Variants in RELCH observed in about 807,000 individuals in gnomAD.
RELCH encodes RAB11 binding and LisH domain, coiled-coil and HEAT repeat containing, also known as RAB11-binding protein RELCH.
In RELCH, 41 loss-of-function variants were observed where a neutral mutation model predicts 150.3. That is an observed-to-expected ratio of 0.27 (90% CI 0.21 to 0.35). The LOEUF (loss-of-function observed/expected upper bound fraction) is 0.35. RELCH is among the 10% of genes least tolerant of loss of function. RELCH has a pLI of 1.00. For missense variants in RELCH, 1,092 were observed against 1,467.8 expected, an observed-to-expected ratio of 0.74 and a Z score of 4.18; for synonymous variants, 478 against 531.8, an observed-to-expected ratio of 0.90 and a Z score of 1.39.
chr18:62,211,636 A>C (rs1471548354), intron 2 of RELCH, among the ~76,000 whole-genome samples: 1 of 152,062 alleles, frequency 6.6e-6, no homozygotes. Context: ...TTGGTTTTGA[A>C]CCAGGCATGG....
intron 5 of RELCH, among the ~76,000 whole-genome samples, chr18:62,224,906 A>C (rs9951508): frequency 0.012 from 1,773 of 152,174 alleles, 26 homozygotes; most frequent in East Asian, 0.051. Flanking sequence ...GAAACAGCCA[A>C]AACAACTTTA....
At position 62,275,063 on chromosome 18, in the gene RELCH, C is replaced by T. The variant is rs570271083; in HGVS notation, c.2868-311C>T. On this transcript the variant is annotated intron_variant, in intron 21 of 28. Coordinates refer to ENST00000644646, the MANE Select transcript of RELCH (RefSeq NM_001346231.2). Reference sequence around the variant, plus strand: ...TCCTGAGTAGCTGGGACTACAGGTGCGCATCACCATGCCCAGCTAATTTTT... The same window carrying T: ...TCCTGAGTAGCTGGGACTACAGGTGTGCATCACCATGCCCAGCTAATTTTT... Among the ~76,000 whole-genome samples, 11 of 152,226 alleles carry T rather than the reference C, an allele frequency of 7.2e-5. No individual in the cohort carries two copies. In the East Asian group the frequency reaches 1.7e-3, roughly 24 times the overall value.
intron 10 of RELCH, among the ~76,000 whole-genome samples, chr18:62,237,424 C>T (rs1022501306): frequency 6.6e-5 from 10 of 151,706 alleles, no homozygotes; most frequent in East Asian, 5.8e-4. Flanking sequence ...TATATTCCTT[C>T]GGAGATACTT....
At chr18:62,194,247 A>G (rs1360105908) in intron 1 of RELCH, among the ~76,000 whole-genome samples, 1 of 152,212 alleles carries the variant, frequency 6.6e-6, no homozygotes, top group Non-Finnish European at 1.5e-5. Context: ...CCTGTCTCAA[A>G]AAAAACCCCA....
rs1195412351 is a variant in RELCH at position 62,309,544 on chromosome 18, G to GT, written c.*4011dup. The stretch of plus-strand genomic sequence containing the variant: ...CTGTTAAGACCACACCAATCATAAA[G>GT]TACATAACAGTTAATATAAACTTAA... On this transcript the variant is annotated 3_prime_UTR_variant, in exon 29 of 29. Coordinates refer to ENST00000644646, the MANE Select transcript of RELCH (RefSeq NM_001346231.2). 1 of 152,058 alleles carries GT rather than the reference G, an allele frequency of 6.6e-6. No homozygotes were observed. The highest frequency in any genetic ancestry group is 2.4e-5 in the African/African-American group (1 of 41,412). The allele number at this position is 152,058 out of a possible 1,614,324, so 9.4% of individuals were successfully genotyped here.
intron 12 of RELCH, chr18:62,254,715 T>A (rs1238071409): frequency 6.6e-6 from 1 of 152,146 alleles, no homozygotes; most frequent in Non-Finnish European, 1.5e-5. Context: ...TAATGAATTA[T>A]GTCACCTTTT....
chr18:62,221,536 C>A, intron 5 of RELCH, 39 bp downstream of exon 5: 4 of 866,330 alleles, frequency 4.6e-6, no homozygotes, highest in South Asian at 1.7e-5. Context: ...TTTTTTTCTA[C>A]ACTTATAATT....
chr18:62,255,304 C>T, intron 12 of RELCH, 103 bp from the exon 13 acceptor site: 1 of 825,426 alleles, frequency 1.2e-6, no homozygotes, highest in Non-Finnish European at 2.0e-6. Flanking sequence ...AAGGAAGAAG[C>T]TTTATTGCAT....
At chr18:62,259,845 C>T (rs76137631) in intron 15 of RELCH, among the ~76,000 whole-genome samples, 4,126 of 151,882 alleles carry the variant, frequency 0.027, 187 homozygotes, top group African/African-American at 0.094. Context: ...TTACAGCCAG[C>T]TCATTTTTGA....
intron 26 of RELCH, among the ~76,000 whole-genome samples, chr18:62,289,590 A>T (rs1043047983): frequency 2.0e-5 from 3 of 152,202 alleles, no homozygotes; most frequent in Non-Finnish European, 4.4e-5. Flanking sequence ...AGCTAATACT[A>T]ACAAGCAGAG....
intron 27 of RELCH, among the ~76,000 whole-genome samples, chr18:62,292,083 T>G (rs185590307): frequency 6.6e-6 from 1 of 152,296 alleles, no homozygotes; most frequent in African/African-American, 2.4e-5. Context: ...TTCCATCAGC[T>G]TTTCCTTTTA....
At chr18:62,282,517 G>A in intron 25 of RELCH, 73 bp downstream of exon 25, 1 of 1,465,416 alleles carries the variant, frequency 6.8e-7, no homozygotes, top group Non-Finnish European at 9.4e-7. Flanking sequence ...CTGAGGCCTT[G>A]TCATGTATTA....
intron 1 of RELCH, among the ~76,000 whole-genome samples, chr18:62,194,445 G>A (rs777055099): frequency 1.3e-5 from 2 of 152,248 alleles, no homozygotes; most frequent in East Asian, 1.9e-4. Flanking sequence ...GGCAGGAACC[G>A]TATTTTAATG....
chr18:62,280,974 A>G (rs1173975769), intron 24 of RELCH, among the ~76,000 whole-genome samples: 1 of 152,180 alleles, frequency 6.6e-6, no homozygotes, highest in Non-Finnish European at 1.5e-5. Flanking sequence ...GAATATAGTC[A>G]TGGGTTCTTA....
chr18:62,239,819 G>A (rs150396763), intron 10 of RELCH, among the ~76,000 whole-genome samples: 3 of 151,918 alleles, frequency 2.0e-5, no homozygotes, highest in East Asian at 3.9e-4. Flanking sequence ...ACATGTTTAC[G>A]TTACCTTCTT....
intron 10 of RELCH, among the ~76,000 whole-genome samples, chr18:62,233,738 A>G (rs1421034679): frequency 1.3e-5 from 2 of 151,780 alleles, no homozygotes; most frequent in African/African-American, 4.8e-5. Context: ...CATCCCTTTT[A>G]CTGTATTTCC....
chr18:62,216,362 C>T (rs2040477330), intron 2 of RELCH, among the ~76,000 whole-genome samples: 1 of 152,032 alleles, frequency 6.6e-6, no homozygotes, highest in Non-Finnish European at 1.5e-5. Flanking sequence ...TTAGAACCCC[C>T]CTATATTCCT....
rs552469123 is a variant in RELCH at position 62,194,862 on chromosome 18, A to G, written c.526+6831A>G. Among the ~76,000 whole-genome samples, 7 of 152,326 alleles carry G rather than the reference A, an allele frequency of 4.6e-5. No individual in the cohort carries two copies. In the South Asian group the frequency reaches 1.2e-3, roughly 27 times the overall value. On this transcript the variant is annotated intron_variant, in intron 1 of 28. Transcript: ENST00000644646. ...CAGAATACTTCAGAACAATAAATGT[A>G]TAATAAAAAGTGGTTTTCTTTATTT...
chr18:62,290,035 T>C (rs1243908354), intron 26 of RELCH, among the ~76,000 whole-genome samples: 2 of 152,228 alleles, frequency 1.3e-5, no homozygotes, highest in Admixed American at 6.5e-5. Context: ...TATATGTCTA[T>C]AGGGATTTGG....
Sources: allele counts gnomAD v4.1 joint callset (sites outside exome capture counted in the v4.1 genomes callset), GRCh38; gene constraint gnomAD v4.1.1; transcripts MANE v1.5; gene names NCBI Gene and HGNC (gene_info 2026-07-23, HGNC 2026-07-21).